TPO: variants seen among roughly 807,000 people sequenced by gnomAD.
The protein encoded by TPO is thyroid peroxidase, also known as thyroid microsomal antigen.
TPO carries 78 observed loss-of-function variants against 96.9 expected under a neutral mutation model. The ratio of observed to expected loss-of-function variants is 0.81; its 90% CI spans 0.67 to 0.97. The LOEUF (loss-of-function observed/expected upper bound fraction) is 0.97, where lower values mean the gene tolerates loss of function less well. Among genes scored for constraint, TPO ranks in the 50% least tolerant of loss-of-function variants. The pLI is 0.00. For missense variants in TPO, 1,252 were observed against 1,274.8 expected (o/e 0.98, Z 0.27); for synonymous variants, 547 against 538.0 (o/e 1.02, Z -0.23).
At chr2:1,538,779 G>T (rs1317408696) in intron 15 of TPO, among the ~76,000 whole-genome samples, 3 of 152,160 alleles carry the variant, frequency 2.0e-5, no homozygotes, top group African/African-American at 7.2e-5. Flanking sequence ...AGCAACAGAC[G>T]TTGATGTTCT....
At chr2:1,523,884 A>G in intron 15 of TPO, among the ~76,000 whole-genome samples, 1 of 77,402 alleles carries the variant, frequency 1.3e-5, no homozygotes. Flanking sequence ...CAGTGTGTAC[A>G]ACTTGCTTAA....
intron 15 of TPO, among the ~76,000 whole-genome samples, chr2:1,536,977 TCTCCCC>T (rs1679832288): frequency 3.5e-5 from 1 of 28,878 alleles, no homozygotes; most frequent in Non-Finnish European, 6.1e-5. Flanking sequence ...AACCCCCCAA[TCTCCCC>T]CACTGTGTGC....
At chr2:1,407,092 T>C (rs986977052) in intron 1 of TPO, among the ~76,000 whole-genome samples, 2 of 152,100 alleles carry the variant, frequency 1.3e-5, no homozygotes, top group African/African-American at 4.8e-5. Flanking sequence ...GTAAGGAAAA[T>C]ATGGCAACAC....
At chr2:1,525,242 C>T (rs72776255) in intron 15 of TPO, among the ~76,000 whole-genome samples, 59 of 114,558 alleles carry the variant, frequency 5.2e-4, no homozygotes, top group Admixed American at 7.9e-4. Context: ...TGCAACCTCC[C>T]CAAATCCCTC....
intron 2 of TPO, among the ~76,000 whole-genome samples, chr2:1,422,395 G>GACAGACCTC (rs1163151839): frequency 2.0e-5 from 3 of 151,450 alleles, no homozygotes; most frequent in African/African-American, 2.4e-5. Context: ...CGCCGCGCTG[G>GACAGACCTC]GCCATGGGGA....
rs80258843 is a variant in TPO, at chr2:1,540,854, C to G, written c.2748+131C>G. On this transcript the variant is annotated intron_variant, in intron 16 of 16. Coordinates refer to ENST00000329066, the MANE Select transcript of TPO (RefSeq NM_001206744.2). ...CCGTGTTTCCTAGTCCGTTCTGCAC[C>G]TTCCTCCGGGAGGTTTTATTTACAA... 2,425 of 1,562,444 alleles carry G rather than the reference C, an allele frequency of 1.6e-3. 22 individuals are homozygous for G. The highest frequency in any genetic ancestry group is 0.013 in the African/African-American group (924 of 73,582).
rs200303318 is a variant in TPO at position 1,540,608 on chromosome 2, C to T, written c.2633C>T (p.Thr878Ile). 25 of 1,613,610 alleles carry T rather than the reference C, an allele frequency of 1.5e-5. No homozygotes were observed. The highest frequency in any genetic ancestry group is 5.5e-5 in the South Asian group (5 of 91,074). Residue 878 changes from threonine to isoleucine, a missense_variant, in exon 16 of 17, where the codon ACT becomes ATT. Physicochemically the swap from Thr to Ile is moderately conservative, Grantham distance 89. Coordinates refer to ENST00000329066, the MANE Select transcript of TPO (RefSeq NM_001206744.2). ...TVICRWTRTG[T>I]KSTLPISETG... ...GTCTCCCACAGGACACGCACTGGCACTAAATCCACACTGCCCATCTCGGAG... is the reference window on the plus strand; with the variant it reads ...GTCTCCCACAGGACACGCACTGGCATTAAATCCACACTGCCCATCTCGGAG...
chr2:1,414,195 G>T (rs1662639554), intron 1 of TPO, among the ~76,000 whole-genome samples: 1 of 152,172 alleles, frequency 6.6e-6, no homozygotes, highest in African/African-American at 2.4e-5. Context: ...ATGGGGGCCT[G>T]GGAGGCCTGC....
chr2:1,477,735 G>C (rs1670120750), intron 8 of TPO, 131 bp downstream of exon 8: 2 of 1,370,894 alleles, frequency 1.5e-6, no homozygotes, highest in Admixed American at 3.4e-5. Context: ...ACATGGGTGA[G>C]CTCCAGGTCG....
At chr2:1,438,975 CA>C (rs1318744304) in intron 5 of TPO, 6 of 654,056 alleles carry the variant, frequency 9.2e-6, no homozygotes, top group Non-Finnish European at 1.7e-5. Flanking sequence ...CTGGGTCCTG[CA>C]GTAGAGCCTG....
At chr2:1,374,725 C>CTTTTTTTT (rs11292664) in intron 1 of TPO, among the ~76,000 whole-genome samples, 3 of 136,794 alleles carry the variant, frequency 2.2e-5, no homozygotes, top group Non-Finnish European at 3.2e-5. Context: ...TTCTTTCTTT[C>CTTTTTTTT]TTTTTTTTTT....
At chr2:1,472,439 T>G (rs956158932) in intron 7 of TPO, among the ~76,000 whole-genome samples, 1 of 152,212 alleles carries the variant, frequency 6.6e-6, no homozygotes, top group African/African-American at 2.4e-5. Context: ...AAAGAAGTCA[T>G]GCACAAGCAT....
At chr2:1,438,906 A>C (rs1405036129) in intron 5 of TPO, 1 of 710,638 alleles carries the variant, frequency 1.4e-6, no homozygotes, top group Non-Finnish European at 2.6e-6. Context: ...ATAATGCGAA[A>C]CTGAAGCCAG....
At chr2:1,451,240 C>T (rs1667274877) in intron 5 of TPO, among the ~76,000 whole-genome samples, 1 of 152,162 alleles carries the variant, frequency 6.6e-6, no homozygotes, top group Non-Finnish European at 1.5e-5. Flanking sequence ...ACGGATCTTT[C>T]CTTCACAAAT....
chr2:1,493,836 T>G lies in TPO; in HGVS notation c.1803T>G (p.Pro601=), dbSNP rs779627588. Residue 601 remains proline (P), a synonymous_variant, in exon 11 of 17, where the codon CCT becomes CCG. Transcript: ENST00000329066. ...AGTGGAGGGAGTTCTGCGGCCTGCC[T>G]CGCCTGGAGACCCCCGCTGACCTGA... ...YNEWREFCGL[P]RLETPADLST... The G allele has an allele frequency of 1.1e-5, 18 of 1,613,988 alleles. No homozygotes were observed. The highest frequency in any genetic ancestry group is 1.4e-5 in the Non-Finnish European group (17 of 1,180,016).
chr2:1,451,803 T>C (rs1027182491), intron 5 of TPO, among the ~76,000 whole-genome samples: 2 of 131,662 alleles, frequency 1.5e-5, no homozygotes, highest in Admixed American at 7.3e-5. Flanking sequence ...AAAATTTCTA[T>C]TTTTTTCTCT....
At chr2:1,492,510 T>C (rs368768659) in intron 10 of TPO, among the ~76,000 whole-genome samples, 3 of 152,332 alleles carry the variant, frequency 2.0e-5, no homozygotes, top group East Asian at 1.9e-4. Context: ...CTTTGTCCAT[T>C]CTTCCAATCC....
intron 10 of TPO, among the ~76,000 whole-genome samples, chr2:1,491,410 C>T (rs988703169): frequency 2.6e-5 from 4 of 152,154 alleles, no homozygotes; most frequent in Non-Finnish European, 4.4e-5. Context: ...CTTCTAACTT[C>T]GTTGTTTTTT....
upstream of TPO, among the ~76,000 whole-genome samples, chr2:1,412,188 G>A (rs1309098577): frequency 2.6e-5 from 4 of 152,220 alleles, no homozygotes; most frequent in East Asian, 1.9e-4. Context: ...TCCTTTGCTT[G>A]TCACAGCCAG....
Sources: gnomAD v4.1 joint callset for allele counts (sites outside exome capture counted in the v4.1 genomes callset) on GRCh38, gnomAD v4.1.1 for gene constraint, MANE v1.5 for transcripts, NCBI Gene and HGNC (gene_info 2026-07-23, HGNC 2026-07-21) for gene names.